Variants in WDFY4 observed in about 807,000 individuals in gnomAD.
The protein encoded by WDFY4 is WDFY family member 4, also known as WD repeat- and FYVE domain-containing protein 4.
In WDFY4, 169 loss-of-function variants were observed where a neutral mutation model predicts 351.9. That is an observed-to-expected ratio of 0.48 (90% CI 0.42 to 0.55). The LOEUF (loss-of-function observed/expected upper bound fraction) is 0.55. WDFY4 is among the 20% of genes least tolerant of loss of function. The pLI is 0.00. For missense variants in WDFY4, 3,803 were observed against 3,935.6 expected, an observed-to-expected ratio of 0.97 and a Z score of 0.90; for synonymous variants, 1,622 against 1,574.6, an observed-to-expected ratio of 1.03 and a Z score of -0.71.
At chr10:48,904,014 G>A (rs1338494413) in intron 47 of WDFY4, among the ~76,000 whole-genome samples, 1 of 152,248 alleles carries the variant, frequency 6.6e-6, no homozygotes, top group Non-Finnish European at 1.5e-5. Flanking sequence ...GCCAGGTAGA[G>A]TGACTCAAGG....
chr10:48,880,433 C>T (rs1301138860), intron 43 of WDFY4, among the ~76,000 whole-genome samples: 2 of 152,232 alleles, frequency 1.3e-5, no homozygotes, highest in Non-Finnish European at 2.9e-5. Flanking sequence ...TCCCATCTGC[C>T]CCTCCCTGCC....
chr10:48,748,107 C>A (rs2065068293), intron 12 of WDFY4, among the ~76,000 whole-genome samples: 1 of 152,152 alleles, frequency 6.6e-6, no homozygotes, highest in African/African-American at 2.4e-5. Context: ...GCCTGGGCAC[C>A]CTGATAACAT....
In WDFY4 at chr10:48,981,488, GCCTTGTTTCTCTGGGTCT is replaced by G. The variant is rs1169807422; in HGVS notation, c.9488+13_9488+30del. The G allele has an allele frequency of 6.4e-7, 1 of 1,551,298 alleles. No homozygotes were observed. The highest frequency in any genetic ancestry group is 8.7e-7 in the Non-Finnish European group (1 of 1,146,750). On this transcript the variant is annotated intron_variant, in intron 61 of 61. Transcript: ENST00000325239. The stretch of plus-strand genomic sequence containing the variant: ...CTCTGGCCGTGTCCAGGTAAGCGCG[GCCTTGTTTCTCTGGGTCT>G]CCAGCAGAGGGCACTGCAGCCACCT...
In WDFY4 at chr10:48,873,522, A is replaced by C; in HGVS notation, c.6773A>C (p.Asn2258Thr). Residue 2258 changes from asparagine to threonine, a missense_variant, in exon 41 of 62, where the codon AAC becomes ACC. Transcript: ENST00000325239. The part of the protein sequence containing the change: ...RRKCGNIKAA[N>T]AWARIQEQLF... ...AAATGTGGCAACATCAAGGCAGCCAACGCCTGGGCCAGGATCCAGGAGCAG... is the reference window on the plus strand; with the variant it reads ...AAATGTGGCAACATCAAGGCAGCCACCGCCTGGGCCAGGATCCAGGAGCAG... 6.4e-7 allele frequency: 1 copy of C among 1,551,400 alleles called. No individual in the cohort carries two copies. The highest frequency in any genetic ancestry group is 1.2e-5 in the South Asian group (1 of 84,034).
intron 57 of WDFY4, among the ~76,000 whole-genome samples, chr10:48,972,051 C>T (rs889519338): frequency 2.0e-5 from 3 of 152,208 alleles, no homozygotes; most frequent in Admixed American, 6.5e-5. Context: ...GAAACACCCT[C>T]GTATCGACCT....
chr10:48,886,243 G>A (rs1032687432), intron 43 of WDFY4, among the ~76,000 whole-genome samples: 16 of 152,176 alleles, frequency 1.1e-4, no homozygotes, highest in African/African-American at 2.7e-4. Flanking sequence ...GAGAGTATCC[G>A]GTTGACCTTG....
intron 19 of WDFY4, among the ~76,000 whole-genome samples, chr10:48,785,196 A>C (rs1216251868): frequency 2.0e-5 from 3 of 152,180 alleles, no homozygotes; most frequent in East Asian, 3.9e-4. Context: ...AGGGTTTTAA[A>C]ATGTATACAT....
chr10:48,810,836 T>C (rs763243274), intron 29 of WDFY4, 101 bp downstream of exon 29: 17 of 1,240,624 alleles, frequency 1.4e-5, no homozygotes, highest in Middle Eastern at 2.7e-4. Flanking sequence ...ATCACAGCTC[T>C]GTGCAGCAGG....
chr10:48,942,004 G>A (rs1840793150), intron 48 of WDFY4, among the ~76,000 whole-genome samples, 156 bp downstream of exon 48: 1 of 152,134 alleles, frequency 6.6e-6, no homozygotes, highest in South Asian at 2.1e-4. Flanking sequence ...CACTCTTGTT[G>A]CCCAAGCTGG....
Position 48,751,358 on chromosome 10 carries a change from A to G in WDFY4, c.2459+7810A>G, listed in dbSNP as rs559643088. Among the ~76,000 whole-genome samples the G allele has an allele frequency of 2.0e-5, 3 of 152,322 alleles. No homozygotes were observed. The East Asian group carries it at 5.8e-4, about 29-fold the overall frequency. ...AGGTTTGTTCCTGCCTTCTGTAGGC[A>G]TTGCTCGGACTTTAAGCTGTAGTAG... On this transcript the variant is annotated intron_variant, in intron 12 of 61. Coordinates refer to ENST00000325239, the MANE Select transcript of WDFY4 (RefSeq NM_001394531.1).
intron 6 of WDFY4, 126 bp from the exon 7 acceptor site, chr10:48,727,344 C>T: frequency 9.9e-7 from 1 of 1,012,332 alleles, no homozygotes; most frequent in South Asian, 1.7e-5. Context: ...GCCAGCAGAA[C>T]ATGTTTTGGA....
At chr10:48,708,184 T>C (rs573753695) in intron 1 of WDFY4, among the ~76,000 whole-genome samples, 20 of 152,308 alleles carry the variant, frequency 1.3e-4, no homozygotes, top group African/African-American at 4.8e-4. Flanking sequence ...AGAAAATTAT[T>C]CCTGAAAATA....
Position 48,959,735 on chromosome 10 carries a change from C to A in WDFY4, c.8145C>A (p.Asp2715Glu). The change falls in exon 53 of 62, where the codon GAC (aspartate) becomes GAA (glutamate). Residue 2715 changes from aspartate to glutamate, a missense_variant. Transcript: ENST00000325239. ...CNGVEFGCMQ[D>E]GTVLGDVQLP... ...CATCCCATGCAGGCTGCATGCAGGA[C>A]GGGACTGTGCTAGGAGACGTGCAGC... 6.4e-7 allele frequency: 1 copy of A among 1,551,588 alleles called. No homozygotes were observed. Among genetic ancestry groups the A allele is most frequent in the Non-Finnish European group, 8.7e-7 (1 of 1,146,948 alleles).
intron 1 of WDFY4, among the ~76,000 whole-genome samples, chr10:48,692,832 A>T (rs1038056180): frequency 1.3e-5 from 2 of 152,144 alleles, no homozygotes; most frequent in Non-Finnish European, 2.9e-5. Flanking sequence ...AATTACTGAG[A>T]TCGTATCTTG....
At chr10:48,947,083 C>T in intron 51 of WDFY4, 114 bp downstream of exon 51, 2 of 908,586 alleles carry the variant, frequency 2.2e-6, no homozygotes, top group Admixed American at 4.9e-5. Context: ...CTGCTAAAAA[C>T]TCAGTCATTA....
At chr10:48,878,474 G>C (rs1376087216) in intron 43 of WDFY4, 10 of 152,256 alleles carry the variant, frequency 6.6e-5, no homozygotes, top group Admixed American at 5.9e-4. Context: ...TTGCTTTGCT[G>C]TTTTCAGATT....
At chr10:48,741,361 G>A (rs1201133552) in intron 11 of WDFY4, among the ~76,000 whole-genome samples, 1 of 147,710 alleles carries the variant, frequency 6.8e-6, no homozygotes, top group African/African-American at 2.5e-5. Flanking sequence ...GCTGAGGCAG[G>A]AGAATCACTT....
At chr10:48,687,995 C>G (rs1399001200) in intron 1 of WDFY4, among the ~76,000 whole-genome samples, 1 of 152,070 alleles carries the variant, frequency 6.6e-6, no homozygotes, top group South Asian at 2.1e-4. Flanking sequence ...GTTGGTCAGG[C>G]TGGTCTTGAA....
intron 57 of WDFY4, 68 bp downstream of exon 57, chr10:48,970,357 T>C: frequency 6.6e-7 from 1 of 1,512,910 alleles, no homozygotes; most frequent in Middle Eastern, 1.7e-4. Context: ...ACAAAACCTC[T>C]GCCTGGCATG....
Sources: gnomAD v4.1 joint callset for allele counts (sites outside exome capture counted in the v4.1 genomes callset) on GRCh38, gnomAD v4.1.1 for gene constraint, MANE v1.5 for transcripts, NCBI Gene and HGNC (gene_info 2026-07-23, HGNC 2026-07-21) for gene names.